Variants in SPON1 observed in about 807,000 individuals in gnomAD.
SPON1 encodes the protein spondin-1.
In SPON1, 52 loss-of-function variants were observed where a neutral mutation model predicts 111.7. The observed-to-expected ratio is 0.47, with a 90% CI of 0.37 to 0.59. The LOEUF is 0.59. SPON1 is among the 20% of genes least tolerant of loss of function. The pLI, the probability that SPON1 is intolerant of heterozygous loss-of-function variation, is 0.00. For synonymous variants in SPON1, 410 were observed against 395.8 expected (o/e 1.04, Z -0.43); for missense variants, 957 against 1,068.5 (o/e 0.90, Z 1.46).
At chr11:14,036,631 T>C (rs1389605143) in intron 2 of SPON1, among the ~76,000 whole-genome samples, 1 of 152,170 alleles carries the variant, frequency 6.6e-6, no homozygotes, top group Non-Finnish European at 1.5e-5. Context: ...ACTAGAAATA[T>C]AAACGAATGA....
intron 2 of SPON1, among the ~76,000 whole-genome samples, chr11:14,015,531 A>G (rs782799987): frequency 1.4e-4 from 21 of 152,256 alleles, no homozygotes; most frequent in Non-Finnish European, 2.6e-4. Flanking sequence ...CATTCAGACC[A>G]TAGCCACAAG....
intron 1 of SPON1, among the ~76,000 whole-genome samples, chr11:13,975,350 A>G (rs1848094439): frequency 6.6e-6 from 1 of 152,238 alleles, no homozygotes; most frequent in Non-Finnish European, 1.5e-5. Flanking sequence ...AGGGACCAGA[A>G]TAGGAATGAG....
intron 1 of SPON1, among the ~76,000 whole-genome samples, chr11:13,971,463 T>G (rs1848062629): frequency 6.6e-6 from 1 of 152,130 alleles, no homozygotes; most frequent in Non-Finnish European, 1.5e-5. Context: ...AACCAGCACA[T>G]TGTGGAGTCA....
intron 6 of SPON1, among the ~76,000 whole-genome samples, chr11:14,232,239 G>A (rs919161101): frequency 7.9e-5 from 12 of 151,146 alleles, no homozygotes; most frequent in South Asian, 2.1e-4. Flanking sequence ...TATTTTCCCC[G>A]GAGAGCTAAT....
rs1564891736 is a variant in SPON1, at chr11:14,041,580, C to CA, written c.406dup (p.Thr136AsnfsTer39). 1 of 1,613,926 alleles carries CA rather than the reference C, an allele frequency of 6.2e-7. No individual in the cohort carries two copies. The highest frequency in any genetic ancestry group is 8.5e-7 in the Non-Finnish European group (1 of 1,179,868). On this transcript the variant is annotated frameshift_variant, in exon 3 of 16. Coordinates refer to ENST00000576479, the MANE Select transcript of SPON1 (RefSeq NM_006108.4). LOFTEE classifies it high-confidence loss of function. ...ATTGCCCTGTTGCAGTCACTGAAAG[C>CA]ACTCCACGGAGGAGGACCCGGATCC...
chr11:14,180,017 C>T (rs1368444227), intron 6 of SPON1, among the ~76,000 whole-genome samples: 1 of 152,186 alleles, frequency 6.6e-6, no homozygotes, highest in East Asian at 1.9e-4. Flanking sequence ...ATGCAGAAGA[C>T]TCTTTACAGA....
At chr11:14,113,930 A>G (rs1393885518) in intron 5 of SPON1, among the ~76,000 whole-genome samples, 3 of 152,228 alleles carry the variant, frequency 2.0e-5, no homozygotes, top group South Asian at 2.1e-4. Flanking sequence ...GTTTCTGCAT[A>G]CAGAGTGGGT....
rs374742616 is a variant in SPON1 at position 13,963,081 on chromosome 11, C to G, written c.177C>G (p.Thr59=). The G allele has an allele frequency of 3.6e-5, 56 of 1,564,504 alleles. No individual in the cohort carries two copies. The African/African-American group carries it at 7.2e-4, about 20-fold the overall frequency. ...RAQGTRREGY[T]EFSLRVEGDP... ...AGGGCACGCGGCGCGAGGGCTACAC[C>G]GAGTTCAGCCTCCGCGTGGAGGGCG... The change falls in exon 1 of 16, where the codon ACC becomes ACG. Residue 59 remains threonine, a synonymous_variant. Transcript: ENST00000576479.
chr11:14,185,369 T>C (rs1848275540), intron 6 of SPON1, among the ~76,000 whole-genome samples: 2 of 152,212 alleles, frequency 1.3e-5, no homozygotes, highest in Non-Finnish European at 2.9e-5. Context: ...TTCCTCTATT[T>C]ACTATCAACT....
In SPON1 at chr11:14,217,446, A is replaced by G. The variant is rs376684729; in HGVS notation, c.826-25886A>G. Among the ~76,000 whole-genome samples, 11 of 152,332 alleles carry G rather than the reference A, an allele frequency of 7.2e-5. No individual in the cohort carries two copies. The East Asian group carries it at 1.5e-3, about 21-fold the overall frequency. On this transcript the variant is annotated intron_variant, in intron 6 of 15. Transcript: ENST00000576479. ...TGCTCTCTCATATATTTTTACAAAT[A>G]TCTTCAAGAAACAAATGGCCTTTCC...
At chr11:14,224,389 A>G (rs550096539) in intron 6 of SPON1, among the ~76,000 whole-genome samples, 1 of 152,264 alleles carries the variant, frequency 6.6e-6, no homozygotes, top group East Asian at 1.9e-4. Flanking sequence ...CCTAGGTGAG[A>G]AAGGGTTAAA....
chr11:14,244,527 A>G (rs1417532793), intron 7 of SPON1, among the ~76,000 whole-genome samples: 1 of 149,426 alleles, frequency 6.7e-6, no homozygotes, highest in Non-Finnish European at 1.5e-5. Context: ...AAAAAAAAAA[A>G]AAAAGAATCC....
intron 15 of SPON1, among the ~76,000 whole-genome samples, chr11:14,264,483 T>G (rs1225685957): frequency 1.3e-5 from 2 of 152,126 alleles, no homozygotes; most frequent in East Asian, 1.9e-4. Flanking sequence ...AAGATTAACA[T>G]GTACATCAAG....
At chr11:13,998,078 A>C (rs982326241) in intron 2 of SPON1, among the ~76,000 whole-genome samples, 1 of 152,182 alleles carries the variant, frequency 6.6e-6, no homozygotes, top group African/African-American at 2.4e-5. Context: ...AGCTGAGTAA[A>C]TATTAGTCAC....
At chr11:14,057,397 A>C (rs1045433615) in intron 3 of SPON1, among the ~76,000 whole-genome samples, 28 of 152,248 alleles carry the variant, frequency 1.8e-4, no homozygotes, top group Non-Finnish European at 2.8e-4. Flanking sequence ...AAGATTCTAG[A>C]TTGAAGGAAA....
intron 2 of SPON1, among the ~76,000 whole-genome samples, chr11:13,999,424 C>CTT (rs11411530): frequency 2.0e-4 from 28 of 142,582 alleles, no homozygotes; most frequent in African/African-American, 4.9e-4. Flanking sequence ...CATTTTCTTT[C>CTT]TTTTTTTTTT....
intron 1 of SPON1, among the ~76,000 whole-genome samples, chr11:13,965,897 G>GA (rs1848012365): frequency 6.6e-6 from 1 of 152,092 alleles, no homozygotes; most frequent in African/African-American, 2.4e-5. Flanking sequence ...ATTTTTTCAT[G>GA]AATTAGGATT....
intron 6 of SPON1, among the ~76,000 whole-genome samples, chr11:14,241,748 G>A (rs185851485): frequency 3.9e-5 from 6 of 152,232 alleles, no homozygotes; most frequent in East Asian, 3.9e-4. Context: ...ACAACTTCTC[G>A]GTCATTCAAC....
intron 3 of SPON1, among the ~76,000 whole-genome samples, chr11:14,071,388 C>T (rs1848874695): frequency 6.6e-6 from 1 of 152,108 alleles, no homozygotes; most frequent in Admixed American, 6.6e-5. Context: ...CACGCTTTCC[C>T]TGGGTGACAT....
Sources: allele counts gnomAD v4.1 joint callset (sites outside exome capture counted in the v4.1 genomes callset), GRCh38; gene constraint gnomAD v4.1.1; transcripts MANE v1.5; gene names NCBI Gene and HGNC (gene_info 2026-07-23, HGNC 2026-07-21).